SCHIP1: variants seen among roughly 807,000 people sequenced by gnomAD.
SCHIP1 encodes schwannomin interacting protein 1.
A neutral mutation model predicts 29.7 loss-of-function variants in SCHIP1; 8 were observed. The observed-to-expected ratio is 0.27, with a 90% CI of 0.16 to 0.49. The LOEUF is 0.49. SCHIP1 is among the 20% of genes least tolerant of loss of function. The pLI is 0.99. For synonymous variants in SCHIP1, 76 were observed against 94.9 expected, an observed-to-expected ratio of 0.80 and a Z score of 1.16; for missense variants, 193 against 294.6, an observed-to-expected ratio of 0.66 and a Z score of 2.52.
At chr3:159,481,309 T>A in the SCHIP1 span, among the ~76,000 whole-genome samples, 1 of 152,166 alleles carries the variant, frequency 6.6e-6, no homozygotes, top group South Asian at 2.1e-4. Flanking sequence ...CATGTCCATA[T>A]AAATGATTTT....
At chr3:159,569,725 A>G in the SCHIP1 span, among the ~76,000 whole-genome samples, 1 of 152,146 alleles carries the variant, frequency 6.6e-6, no homozygotes, top group Admixed American at 6.5e-5. Flanking sequence ...CTTGTTCTAG[A>G]TCCTTGAGGA....
the SCHIP1 span, chr3:159,763,753 G>A: frequency 6.6e-6 from 1 of 152,268 alleles, no homozygotes; most frequent in Non-Finnish European, 1.5e-5. Context: ...CACCTTTTGG[G>A]GAGGCGGGGG....
At chr3:159,709,281 T>A in the SCHIP1 span, among the ~76,000 whole-genome samples, 3 of 152,216 alleles carry the variant, frequency 2.0e-5, no homozygotes, top group African/African-American at 7.2e-5. Context: ...GATGAAAATA[T>A]TCTGTATCTT....
At chr3:159,643,190 A>G in the SCHIP1 span, among the ~76,000 whole-genome samples, 2 of 152,152 alleles carry the variant, frequency 1.3e-5, no homozygotes, top group Non-Finnish European at 2.9e-5. Flanking sequence ...GGTGTTCACA[A>G]GAAGGTTATT....
the SCHIP1 span, among the ~76,000 whole-genome samples, chr3:159,653,614 C>T: frequency 2.0e-5 from 3 of 151,888 alleles, no homozygotes; most frequent in East Asian, 5.8e-4. Context: ...GAAGGGAGAG[C>T]ATTAGGACAA....
the SCHIP1 span, among the ~76,000 whole-genome samples, chr3:159,460,703 G>A: frequency 1.3e-5 from 2 of 151,996 alleles, no homozygotes; most frequent in Non-Finnish European, 2.9e-5. Flanking sequence ...TATTTTAAAC[G>A]GAAGTTCCAC....
the SCHIP1 span, among the ~76,000 whole-genome samples, chr3:159,586,412 A>G: frequency 1.3e-5 from 2 of 152,300 alleles, no homozygotes; most frequent in South Asian, 4.1e-4. Context: ...TAAAAACGCT[A>G]TGCTTAGAAT....
the SCHIP1 span, among the ~76,000 whole-genome samples, chr3:159,622,247 C>A: frequency 6.6e-6 from 1 of 152,190 alleles, no homozygotes; most frequent in Admixed American, 6.5e-5. Context: ...TGACCAGAAA[C>A]GAATGGGGCC....
intron 2 of SCHIP1, among the ~76,000 whole-genome samples, chr3:159,871,404 A>G (rs192505739): frequency 6.6e-6 from 1 of 152,042 alleles, no homozygotes; most frequent in African/African-American, 2.4e-5. Flanking sequence ...GTTGTAGTAT[A>G]TATACTTTGT....
the SCHIP1 span, among the ~76,000 whole-genome samples, chr3:159,536,956 T>G: frequency 6.6e-6 from 1 of 152,166 alleles, no homozygotes; most frequent in Non-Finnish European, 1.5e-5. Flanking sequence ...TATTGCGGTT[T>G]ATTGCTACAC....
the SCHIP1 span, among the ~76,000 whole-genome samples, chr3:159,373,672 T>C: frequency 6.6e-6 from 1 of 152,144 alleles, no homozygotes; most frequent in Non-Finnish European, 1.5e-5. Context: ...TATTTGTCTT[T>C]CTGTGGCTTA....
the SCHIP1 span, among the ~76,000 whole-genome samples, chr3:159,365,890 C>T: frequency 6.6e-6 from 1 of 152,218 alleles, no homozygotes; most frequent in Non-Finnish European, 1.5e-5. Flanking sequence ...TATCCTTCTA[C>T]ACTGATCCTT....
At chr3:159,841,885 A>G (rs904636161) in intron 1 of SCHIP1, among the ~76,000 whole-genome samples, 1 of 152,118 alleles carries the variant, frequency 6.6e-6, no homozygotes, top group African/African-American at 2.4e-5. Context: ...TCTGCATGGG[A>G]TTTTATAGTA....
chr3:159,633,909 T>C, the SCHIP1 span, among the ~76,000 whole-genome samples: 1 of 152,106 alleles, frequency 6.6e-6, no homozygotes, highest in Admixed American at 6.6e-5. Context: ...GTGGGGAAAA[T>C]ACATACATGG....
exon 7 of SCHIP1, chr3:159,896,988 CA>C: frequency 2.2e-6 from 1 of 447,108 alleles, no homozygotes; most frequent in Non-Finnish European, 3.9e-6. Context: ...AATATTGTTA[CA>C]AAAAATGTAC....
the SCHIP1 span, among the ~76,000 whole-genome samples, chr3:159,580,693 T>C: frequency 6.6e-6 from 1 of 152,194 alleles, no homozygotes; most frequent in Non-Finnish European, 1.5e-5. Flanking sequence ...ACGTACCCTT[T>C]TTCATTTTTC....
chr3:159,700,462 G>C, the SCHIP1 span, among the ~76,000 whole-genome samples: 1 of 152,188 alleles, frequency 6.6e-6, no homozygotes, highest in Admixed American at 6.5e-5. Flanking sequence ...TAAACAATTA[G>C]AGAAGAGAGT....
At chr3:159,868,801 T>C (rs1392371429) in intron 2 of SCHIP1, among the ~76,000 whole-genome samples, 1 of 152,072 alleles carries the variant, frequency 6.6e-6, no homozygotes, top group Non-Finnish European at 1.5e-5. Context: ...AGAGTTTCTC[T>C]TTGGGGCATA....
At chr3:159,764,127 G>A in the SCHIP1 span, 1 of 298,780 alleles carries the variant, frequency 3.3e-6, no homozygotes, top group Non-Finnish European at 6.2e-6. The surrounding 1 kb of genome is among the most constrained non-coding windows in gnomAD (Gnocchi z 6.1). Context: ...GGGCGCGCCT[G>A]GCGCAAAATG....
Sources: gnomAD v4.1 joint callset for allele counts (sites outside exome capture counted in the v4.1 genomes callset) on GRCh38, gnomAD v4.1.1 for gene constraint, Gnocchi (gnomAD v3.1) non-coding constraint, MANE v1.5 for transcripts, NCBI Gene and HGNC (gene_info 2026-07-23, HGNC 2026-07-21) for gene names.